The following L3MBTL4 variants were observed in gnomAD, a reference collection of about 807,000 sequenced individuals.
L3MBTL4 encodes the protein L3MBTL histone methyl-lysine binding protein 4.
In L3MBTL4, 70 loss-of-function variants were observed where a neutral mutation model predicts 84.5. That is an observed-to-expected ratio of 0.83 (90% confidence interval 0.68 to 1.01). L3MBTL4 has a LOEUF of 1.01. L3MBTL4 is among the 50% of genes least tolerant of loss of function. The probability of loss-of-function intolerance (pLI) is 0.00; values close to 1 mark genes in which losing one functional copy is unlikely to be tolerated. For missense variants in L3MBTL4, 715 were observed against 754.8 expected (o/e 0.95, Z 0.62); for synonymous variants, 274 against 259.8 (o/e 1.05, Z -0.52).
intron 1 of L3MBTL4, among the ~76,000 whole-genome samples, chr18:6,376,213 C>G (rs1216983324): frequency 6.6e-6 from 1 of 152,196 alleles, no homozygotes; most frequent in East Asian, 1.9e-4. Flanking sequence ...CTGCAGCCCA[C>G]CTGGAGCACG....
chr18:6,055,034 T>C (rs1328079335), intron 16 of L3MBTL4, among the ~76,000 whole-genome samples: 1 of 152,262 alleles, frequency 6.6e-6, no homozygotes, highest in Non-Finnish European at 1.5e-5. Context: ...ACCTCAGGAA[T>C]CTGTGAGACA....
intron 12 of L3MBTL4, among the ~76,000 whole-genome samples, chr18:6,185,561 T>G (rs73383934): frequency 0.019 from 2,942 of 152,050 alleles, 95 homozygotes; most frequent in African/African-American, 0.067. Context: ...CTATCCTGGG[T>G]TCTCCCAGTC....
intron 1 of L3MBTL4, among the ~76,000 whole-genome samples, chr18:6,354,013 T>C (rs1020345207): frequency 1.3e-5 from 2 of 152,060 alleles, no homozygotes; most frequent in African/African-American, 2.4e-5. Context: ...GAAGGAATCA[T>C]GTTACCTGAC....
At chr18:6,341,599 A>G (rs1401910057) in intron 1 of L3MBTL4, among the ~76,000 whole-genome samples, 1 of 152,098 alleles carries the variant, frequency 6.6e-6, no homozygotes, top group East Asian at 1.9e-4. Context: ...AAATAAAACA[A>G]GAATGAAAAA....
At chr18:5,977,959 A>G (rs1194464854) in intron 16 of L3MBTL4, among the ~76,000 whole-genome samples, 1 of 152,230 alleles carries the variant, frequency 6.6e-6, no homozygotes, top group African/African-American at 2.4e-5. Context: ...TCATGAACAG[A>G]GTAAGAAGTC....
At chr18:5,982,299 C>T (rs144811085) in intron 16 of L3MBTL4, among the ~76,000 whole-genome samples, 4 of 152,256 alleles carry the variant, frequency 2.6e-5, no homozygotes, top group Admixed American at 1.3e-4. Context: ...ACTTGATAGA[C>T]GGCCTAAACA....
In L3MBTL4 at chr18:6,059,826, G is replaced by A. The variant is rs567410592; in HGVS notation, c.1444+21055C>T. On this transcript the variant is annotated intron_variant, in intron 16 of 18. Coordinates refer to ENST00000317931, the MANE Select transcript of L3MBTL4 (RefSeq NM_001330559.2). Reference sequence around the variant, plus strand: ...GCACCTCCAAGCCTAGAGGCCATTAGAATGCCTAGAGGCCATTAGAATGGC... The same window carrying A: ...GCACCTCCAAGCCTAGAGGCCATTAAAATGCCTAGAGGCCATTAGAATGGC... 6.6e-5 allele frequency among the ~76,000 whole-genome samples: 10 copies of A among 152,292 alleles called. No homozygotes were observed. The South Asian group carries it at 2.1e-3, about 32-fold the overall frequency.
At chr18:6,365,360 A>G (rs905113113) in intron 1 of L3MBTL4, among the ~76,000 whole-genome samples, 9 of 152,210 alleles carry the variant, frequency 5.9e-5, no homozygotes, top group Admixed American at 5.9e-4. Context: ...CAGCTTTGTG[A>G]CATAAAGACA....
chr18:6,036,367 G>GT (rs371302515), intron 16 of L3MBTL4, among the ~76,000 whole-genome samples: 1,639 of 150,372 alleles, frequency 0.011, 24 homozygotes, highest in African/African-American at 0.037. Flanking sequence ...TGCTGATTCT[G>GT]TTTTTTTTTC....
chr18:6,234,782 A>G (rs2146035901), intron 10 of L3MBTL4, among the ~76,000 whole-genome samples: 1 of 152,346 alleles, frequency 6.6e-6, no homozygotes, highest in Non-Finnish European at 1.5e-5. Flanking sequence ...ATCTAGAACT[A>G]GAAATACCAT....
At chr18:6,191,855 T>G (rs1324359560) in intron 12 of L3MBTL4, among the ~76,000 whole-genome samples, 1 of 151,980 alleles carries the variant, frequency 6.6e-6, no homozygotes, top group Non-Finnish European at 1.5e-5. Flanking sequence ...CTGGGTGTGG[T>G]GGCACGCACC....
intron 16 of L3MBTL4, among the ~76,000 whole-genome samples, chr18:5,995,070 T>C (rs1474347723): frequency 6.6e-6 from 1 of 152,386 alleles, no homozygotes; most frequent in African/African-American, 2.4e-5. Context: ...ATTTTCAAAA[T>C]GGTTGGAAAA....
chr18:6,179,501 G>A (rs1360881861), intron 12 of L3MBTL4, among the ~76,000 whole-genome samples: 1 of 152,208 alleles, frequency 6.6e-6, no homozygotes, highest in African/African-American at 2.4e-5. Flanking sequence ...GGCAAAGGTG[G>A]GTTCAGGGAT....
At chr18:6,016,295 C>T (rs886375107) in intron 16 of L3MBTL4, among the ~76,000 whole-genome samples, 1 of 152,208 alleles carries the variant, frequency 6.6e-6, no homozygotes, top group Non-Finnish European at 1.5e-5. Flanking sequence ...GAATTTCGAA[C>T]TACATGCTGC....
chr18:5,970,077 A>G (rs1282024607), intron 16 of L3MBTL4, among the ~76,000 whole-genome samples: 1 of 152,220 alleles, frequency 6.6e-6, no homozygotes, highest in Non-Finnish European at 1.5e-5. Flanking sequence ...TGAACATGAC[A>G]TGTAGCAAGG....
chr18:6,323,487 G>C (rs1348157383), intron 1 of L3MBTL4, among the ~76,000 whole-genome samples: 2 of 152,172 alleles, frequency 1.3e-5, no homozygotes, highest in Non-Finnish European at 2.9e-5. Flanking sequence ...TGAAGTTATT[G>C]GGAAATGAAG....
intron 4 of L3MBTL4, among the ~76,000 whole-genome samples, chr18:6,265,665 CCTTA>C (rs1170954042): frequency 6.6e-6 from 1 of 152,088 alleles, no homozygotes; most frequent in Admixed American, 6.5e-5. Flanking sequence ...TGTTTTGTGT[CCTTA>C]CTTATGCTAA....
chr18:6,152,247 A>C (rs1488106933), intron 13 of L3MBTL4, among the ~76,000 whole-genome samples: 1 of 152,170 alleles, frequency 6.6e-6, no homozygotes, highest in Non-Finnish European at 1.5e-5. Context: ...ATACATACCC[A>C]AAAGAGGGAT....
chr18:6,359,642 G>A (rs185564172), intron 1 of L3MBTL4, among the ~76,000 whole-genome samples: 3 of 151,826 alleles, frequency 2.0e-5, no homozygotes, highest in Non-Finnish European at 2.9e-5. Context: ...GGATTTCTAG[G>A]GAAAATCTTA....
Sources: allele counts gnomAD v4.1 joint callset (sites outside exome capture counted in the v4.1 genomes callset), GRCh38; gene constraint gnomAD v4.1.1; transcripts MANE v1.5; gene names NCBI Gene and HGNC (gene_info 2026-07-23, HGNC 2026-07-21).